The following LRCH1 variants were observed in gnomAD, a reference collection of about 807,000 sequenced individuals.
LRCH1 encodes leucine-rich repeat and calponin homology domain-containing protein 1.
LRCH1 carries 23 observed loss-of-function variants against 94.9 expected under a neutral mutation model. That is an observed-to-expected ratio of 0.24 (90% CI 0.17 to 0.34). The LOEUF (loss-of-function observed/expected upper bound fraction) is 0.34, where lower values mean the gene tolerates loss of function less well. Among genes scored for constraint, LRCH1 ranks in the 10% least tolerant of loss-of-function variants. The pLI, the probability that LRCH1 is intolerant of heterozygous loss-of-function variation, is 1.00. For synonymous variants in LRCH1, 364 were observed against 354.9 expected (o/e 1.03, Z -0.29); for missense variants, 790 against 945.9 (o/e 0.84, Z 2.16).
At chr13:46,566,885 GCC>G (rs1457531672) in intron 1 of LRCH1, among the ~76,000 whole-genome samples, 1 of 152,176 alleles carries the variant, frequency 6.6e-6, no homozygotes, top group Non-Finnish European at 1.5e-5. Flanking sequence ...GGGAGTTCCA[GCC>G]CTAATCCTCA....
chr13:46,613,952 A>T (rs1288498419), intron 1 of LRCH1, among the ~76,000 whole-genome samples: 1 of 150,818 alleles, frequency 6.6e-6, no homozygotes, highest in Non-Finnish European at 1.5e-5. Context: ...GTTGCTTTTA[A>T]TCTCTTGGAG....
intron 1 of LRCH1, among the ~76,000 whole-genome samples, chr13:46,613,836 A>G (rs1566176902): frequency 6.6e-6 from 1 of 152,196 alleles, no homozygotes; most frequent in Non-Finnish European, 1.5e-5. Context: ...CTTCCACTCC[A>G]GGGCTTTTGA....
intron 10 of LRCH1, 22 bp downstream of exon 10, chr13:46,699,425 A>G (rs1871354209): frequency 1.2e-6 from 2 of 1,608,742 alleles, no homozygotes; most frequent in Non-Finnish European, 1.7e-6. Flanking sequence ...GGCCTTGGTT[A>G]CAAGCCATCA....
At chr13:46,634,875 C>T (rs926639871) in intron 1 of LRCH1, among the ~76,000 whole-genome samples, 3 of 152,130 alleles carry the variant, frequency 2.0e-5, no homozygotes, top group Non-Finnish European at 2.9e-5. Flanking sequence ...GAGGGTACCA[C>T]GTAGTCAGTG....
chr13:46,664,626 G>A (rs530535270), intron 2 of LRCH1, among the ~76,000 whole-genome samples: 46 of 152,256 alleles, frequency 3.0e-4, no homozygotes, highest in South Asian at 1.5e-3. Flanking sequence ...AGAAGGTATC[G>A]TTGTCATTAA....
chr13:46,630,427 A>G (rs1450030283), intron 1 of LRCH1, among the ~76,000 whole-genome samples: 1 of 152,230 alleles, frequency 6.6e-6, no homozygotes, highest in Non-Finnish European at 1.5e-5. Context: ...GATTATTTAG[A>G]TTTAGCAATG....
Position 46,743,958 on chromosome 13 carries a change from T to C in LRCH1, c.*2110T>C. The C allele has an allele frequency of 1.0e-5, 10 of 985,490 alleles. No individual in the cohort carries two copies. Among genetic ancestry groups the C allele is most frequent in the Non-Finnish European group, 1.2e-5 (10 of 829,938 alleles). 61.0% of individuals were successfully genotyped at this position (985,490 alleles called of 1,614,324 possible). The stretch of plus-strand genomic sequence containing the variant: ...TGTCATTAATTTGTCTGTACTCTGC[T>C]GCGCTGCACTTCTTGGGATTTATTG... On this transcript the variant is annotated 3_prime_UTR_variant, in exon 20 of 20. Coordinates refer to ENST00000389797, the MANE Select transcript of LRCH1 (RefSeq NM_001164211.2).
Position 46,663,909 on chromosome 13 carries a change from T to C in LRCH1, c.453-5121T>C, listed in dbSNP as rs151112073. Among the ~76,000 whole-genome samples the C allele has an allele frequency of 2.7e-3, 407 of 152,344 alleles. 1 individual carries two copies. The highest frequency in any genetic ancestry group is 9.2e-3 in the African/African-American group (381 of 41,580). On this transcript the variant is annotated intron_variant, in intron 2 of 19. Transcript: ENST00000389797. ...GATGGTTAATGACTTTACATCATTA[T>C]TTCCATTACTATTTGAAAACAAGTA...
At chr13:46,688,272 T>C (rs577687297) in intron 6 of LRCH1, among the ~76,000 whole-genome samples, 28 of 152,320 alleles carry the variant, frequency 1.8e-4, no homozygotes, top group African/African-American at 6.3e-4. Context: ...TGCATACTTA[T>C]AAATAAGATC....
At chr13:46,624,691 AG>A (rs1328015480) in intron 1 of LRCH1, among the ~76,000 whole-genome samples, 1 of 152,202 alleles carries the variant, frequency 6.6e-6, no homozygotes, top group Non-Finnish European at 1.5e-5. Context: ...CTCCTTGCAA[AG>A]TTAGAATTCA....
At position 46,692,608 on chromosome 13, in the gene LRCH1, G is replaced by A. The variant is rs1290922186; in HGVS notation, c.1087G>A (p.Glu363Lys). The change falls in exon 8 of 20, where the codon GAG becomes AAG. Residue 363 changes from glutamate (E) to lysine (K), a missense_variant. Coordinates refer to ENST00000389797, the MANE Select transcript of LRCH1 (RefSeq NM_001164211.2). ...NIMEEEQIIK[E>K]DSCHRLSPVK... ...CATGGAAGAAGAACAGATCATCAAG[G>A]AGGACTCGTGCCATCGCCTTAGCCC... 1.2e-6 allele frequency: 2 copies of A among 1,614,050 alleles called. No homozygotes were observed. Among genetic ancestry groups the A allele is most frequent in the South Asian group, 1.1e-5 (1 of 91,086 alleles).
chr13:46,577,660 T>C (rs2050319080), intron 1 of LRCH1, among the ~76,000 whole-genome samples: 1 of 152,000 alleles, frequency 6.6e-6, no homozygotes, highest in South Asian at 2.1e-4. Flanking sequence ...GTAGCATGAG[T>C]GAGAGAAGGT....
At chr13:46,659,667 CTTGT>C (rs763762057) in intron 2 of LRCH1, among the ~76,000 whole-genome samples, 13 of 152,070 alleles carry the variant, frequency 8.5e-5, no homozygotes, top group Non-Finnish European at 1.9e-4. Context: ...ACTGGGAAAG[CTTGT>C]TTGTGTGTGG....
intron 17 of LRCH1, among the ~76,000 whole-genome samples, chr13:46,724,594 T>G (rs1207439549): frequency 6.6e-6 from 1 of 152,196 alleles, no homozygotes; most frequent in Non-Finnish European, 1.5e-5. Flanking sequence ...GGGCACTCTG[T>G]AGGTATTTGT....
At chr13:46,571,818 T>C (rs1049849378) in intron 1 of LRCH1, among the ~76,000 whole-genome samples, 14 of 152,080 alleles carry the variant, frequency 9.2e-5, no homozygotes, top group African/African-American at 2.9e-4. Flanking sequence ...ATAACACTTA[T>C]GGGGTTGCTG....
intron 1 of LRCH1, among the ~76,000 whole-genome samples, chr13:46,595,301 T>C (rs2050547884): frequency 6.6e-6 from 1 of 152,208 alleles, no homozygotes; most frequent in African/African-American, 2.4e-5. Context: ...TTCCTGATGG[T>C]GCTGCATGGC....
intron 2 of LRCH1, among the ~76,000 whole-genome samples, chr13:46,665,011 A>G (rs1295993483): frequency 6.6e-6 from 1 of 152,204 alleles, no homozygotes; most frequent in African/African-American, 2.4e-5. Context: ...CTTTTCTGCC[A>G]CACCAAGCAG....
At chr13:46,712,820 C>CG (rs1872139465) in intron 15 of LRCH1, among the ~76,000 whole-genome samples, 1 of 151,970 alleles carries the variant, frequency 6.6e-6, no homozygotes, top group South Asian at 2.1e-4. Flanking sequence ...TGAATCCGAG[C>CG]AAAGAAAAAA....
intron 1 of LRCH1, among the ~76,000 whole-genome samples, chr13:46,585,112 C>T (rs1290292641): frequency 1.3e-5 from 2 of 152,080 alleles, no homozygotes; most frequent in Admixed American, 1.3e-4. Flanking sequence ...GGAAACATTT[C>T]CAGCTTTGAA....
Sources: allele counts gnomAD v4.1 joint callset (sites outside exome capture counted in the v4.1 genomes callset), GRCh38; gene constraint gnomAD v4.1.1; transcripts MANE v1.5; gene names NCBI Gene and HGNC (gene_info 2026-07-23, HGNC 2026-07-21).